Variants in TNNT2 observed in about 807,000 individuals in gnomAD.
The protein encoded by TNNT2 is troponin T, cardiac muscle.
A neutral mutation model predicts 62.4 loss-of-function variants in TNNT2; 34 were observed. That is an observed-to-expected ratio of 0.54 (90% CI 0.41 to 0.72). TNNT2 has a LOEUF of 0.72. Ranked by LOEUF, TNNT2 falls within the 30% of genes least tolerant of loss-of-function variation. The pLI, the probability that TNNT2 is intolerant of heterozygous loss-of-function variation, is 0.00. For missense variants in TNNT2, 275 were observed against 381.9 expected, an observed-to-expected ratio of 0.72 and a Z score of 2.33; for synonymous variants, 123 against 127.2, an observed-to-expected ratio of 0.97 and a Z score of 0.22.
intron 1 of TNNT2, chr1:201,375,455 A>C (rs992864647): frequency 2.0e-5 from 3 of 152,164 alleles, no homozygotes; most frequent in African/African-American, 7.2e-5. Context: ...TTTTTGCCCC[A>C]ACCCCCAGGG....
chr1:201,370,951 G>A (rs922288842), intron 4 of TNNT2, among the ~76,000 whole-genome samples: 1 of 152,190 alleles, frequency 6.6e-6, no homozygotes, highest in Non-Finnish European at 1.5e-5. Flanking sequence ...GAAGTATCTG[G>A]TGTTCCTTAA....
At position 201,365,597 on chromosome 1, in the gene TNNT2, A is replaced by C. The variant is rs778641658; in HGVS notation, c.294+13T>G. On this transcript the variant is annotated intron_variant, in intron 9 of 16. Coordinates refer to ENST00000656932, the MANE Select transcript of TNNT2 (RefSeq NM_001276345.2). ...CCCAGCCCAGGCCTACTCAACCCAC[A>C]GCCACCGCTTACATCAAAGTCCACT... 2 of 1,613,752 alleles carry C rather than the reference A, an allele frequency of 1.2e-6. No individual in the cohort carries two copies. Among genetic ancestry groups the C allele is most frequent in the East Asian group, 4.5e-5 (2 of 44,880 alleles).
chr1:201,373,507 C>G (rs970531498), intron 1 of TNNT2: 10 of 569,188 alleles, frequency 1.8e-5, no homozygotes, highest in Non-Finnish European at 2.9e-5. Context: ...CCTGAACAGG[C>G]AATACTGCCT....
chr1:201,363,558 G>GGAGCTA, intron 11 of TNNT2, 152 bp from the exon 12 acceptor site: 1 of 686,578 alleles, frequency 1.5e-6, no homozygotes, highest in Non-Finnish European at 2.6e-6. Flanking sequence ...CACAGTGCTG[G>GGAGCTA]CCCACAGGAG....
Position 201,373,343 on chromosome 1 carries a change from G to A in TNNT2, c.-14-75C>T, listed in dbSNP as rs1286319613. ...CCTCAGAAGAGCTCTGGCCCCCGTT[G>A]TACAGAGATCAGCGAGGCCTAGGGT... On this transcript the variant is annotated intron_variant, in intron 1 of 16. Coordinates refer to ENST00000656932, the MANE Select transcript of TNNT2 (RefSeq NM_001276345.2). 3.0e-6 allele frequency: 4 copies of A among 1,341,042 alleles called. No homozygotes were observed. In the African/African-American group the frequency reaches 5.8e-5, roughly 19 times the overall value. 83.1% of individuals were successfully genotyped at this position (1,341,042 alleles called of 1,614,324 possible).
intron 5 of TNNT2, chr1:201,368,516 C>T (rs1035876678): frequency 1.9e-6 from 1 of 530,840 alleles, no homozygotes; most frequent in African/African-American, 1.9e-5. Context: ...TGTCTGGCAC[C>T]ACAGAACATG....
intron 4 of TNNT2, among the ~76,000 whole-genome samples, chr1:201,371,821 A>G (rs1458582001): frequency 2.0e-5 from 3 of 152,234 alleles, no homozygotes; most frequent in Non-Finnish European, 4.4e-5. Context: ...AATGGCAGAC[A>G]GAAGAGACAG....
intron 15 of TNNT2, 77 bp downstream of exon 15, chr1:201,361,202 C>A (rs1437171481): frequency 2.9e-6 from 4 of 1,389,804 alleles, no homozygotes; most frequent in South Asian, 1.2e-5. Flanking sequence ...CAGGGACCTG[C>A]AGCAGTATTA....
chr1:201,368,229 T>C lies in TNNT2; in HGVS notation c.98-2A>G. ...CCTCTTCCGCTGCCTCCTCCTGCTC[T>C]GGAGAAGTGAAGCAGACAGAGTGAA... is the stretch of plus-strand genomic sequence containing the variant. On this transcript the variant is annotated splice_acceptor_variant, in intron 5 of 16. Coordinates refer to ENST00000656932, the MANE Select transcript of TNNT2 (RefSeq NM_001276345.2). LOFTEE classifies it high-confidence loss of function. The C allele has an allele frequency of 6.2e-7, 1 of 1,613,996 alleles. No homozygotes were observed. The highest frequency in any genetic ancestry group is 8.5e-7 in the Non-Finnish European group (1 of 1,179,962).
chr1:201,367,858 C>T lies in TNNT2; in HGVS notation c.164-52G>A, dbSNP rs1659934843. 5 of 1,602,458 alleles carry T rather than the reference C, an allele frequency of 3.1e-6. No homozygotes were observed. In the South Asian group the frequency reaches 5.5e-5, roughly 18 times the overall value. ...AGGTCCTTGTTCTGAGCTCAAGTCC[C>T]CCCCTCCGCCACCAGCAAGAGCCTT... On this transcript the variant is annotated intron_variant, in intron 6 of 16. Transcript: ENST00000656932.
Position 201,365,302 on chromosome 1 carries a change from G to T in TNNT2, c.300C>A (p.Ile100=), listed in dbSNP as rs1230932782. The part of the protein sequence containing the change: ...PDGERVDFDD[I]HRKRMEKDLN... Reference sequence around the variant, plus strand: ...GGTCCTTCTCCATGCGCTTCCGGTGGATGTCCTGTGGGTGGACCGCTGCGG... The same window carrying T: ...GGTCCTTCTCCATGCGCTTCCGGTGTATGTCCTGTGGGTGGACCGCTGCGG... Residue 100 remains isoleucine (I), a synonymous_variant, in exon 10 of 17, where the codon ATC becomes ATA. Transcript: ENST00000656932. 3 of 1,613,774 alleles carry T rather than the reference G, an allele frequency of 1.9e-6. No homozygotes were observed. In the South Asian group the frequency reaches 3.3e-5, roughly 18 times the overall value.
rs986849326 is a variant in TNNT2 at position 201,359,058 on chromosome 1, G to C, written c.*152C>G. 4.8e-5 allele frequency: 42 copies of C among 883,242 alleles called. No homozygotes were observed. Among genetic ancestry groups the C allele is most frequent in the South Asian group, 2.9e-4 (20 of 69,692 alleles). 54.7% of individuals were successfully genotyped at this position (883,242 alleles called of 1,614,324 possible). On this transcript the variant is annotated 3_prime_UTR_variant, in exon 17 of 17. Transcript: ENST00000656932. ...TATTACTGGTGTGGAGTGGGTGTGG[G>C]GGCAGGCAGGAGTGGTGGCTCCCAC...
At position 201,359,048 on chromosome 1, in the gene TNNT2, G is replaced by A. The variant is rs955205825; in HGVS notation, c.*162C>T. On this transcript the variant is annotated 3_prime_UTR_variant, in exon 17 of 17. Transcript: ENST00000656932. ...GGTGGCTTTTTATTACTGGTGTGGA[G>A]TGGGTGTGGGGGCAGGCAGGAGTGG... 3.8e-6 allele frequency: 3 copies of A among 789,704 alleles called. No homozygotes were observed. In the African/African-American group the frequency reaches 5.1e-5, roughly 13 times the overall value. 48.9% of individuals were successfully genotyped at this position (789,704 alleles called of 1,614,324 possible).
At chr1:201,375,558 C>G (rs1010781154) in intron 1 of TNNT2, among the ~76,000 whole-genome samples, 3 of 152,170 alleles carry the variant, frequency 2.0e-5, no homozygotes, top group African/African-American at 4.8e-5. Context: ...GACTCAAACC[C>G]CAGAGGTTCT....
chr1:201,373,318 C>T, intron 1 of TNNT2, 50 bp from the exon 2 acceptor site: 1 of 1,533,800 alleles, frequency 6.5e-7, no homozygotes, highest in Non-Finnish European at 9.0e-7. Context: ...AGCCTGCCTT[C>T]CTCAGAAGAG....
chr1:201,366,514 C>G, intron 8 of TNNT2: 1 of 1,231,118 alleles, frequency 8.1e-7, no homozygotes, highest in Non-Finnish European at 1.0e-6. Flanking sequence ...ATCCCAAGGT[C>G]CCACCTCGGC....
intron 8 of TNNT2, chr1:201,366,294 G>C (rs751234368): frequency 2.0e-6 from 2 of 1,024,298 alleles, no homozygotes; most frequent in Non-Finnish European, 2.3e-6. Context: ...TGAGTGGGCA[G>C]AGGTGCCATG....
intron 8 of TNNT2, 200 bp downstream of exon 8, chr1:201,366,638 G>T (rs1334152551): frequency 6.8e-7 from 1 of 1,471,650 alleles, no homozygotes; most frequent in Non-Finnish European, 9.0e-7. Context: ...GTGATGGAGT[G>T]TTGGGTGGAA....
chr1:201,374,392 C>T (rs1368778729), intron 1 of TNNT2: 1 of 152,106 alleles, frequency 6.6e-6, no homozygotes, highest in Non-Finnish European at 1.5e-5. Flanking sequence ...GTCTTTTTAA[C>T]ATCTCCAAAC....
Sources: gnomAD v4.1 joint callset for allele counts (sites outside exome capture counted in the v4.1 genomes callset) on GRCh38, gnomAD v4.1.1 for gene constraint, MANE v1.5 for transcripts, NCBI Gene and HGNC (gene_info 2026-07-23, HGNC 2026-07-21) for gene names.